The following VAMP4 variants were observed in gnomAD, a reference collection of about 807,000 sequenced individuals.
VAMP4 encodes vesicle-associated membrane protein 4.
A neutral mutation model predicts 23.5 loss-of-function variants in VAMP4; 19 were observed. The observed-to-expected ratio is 0.81, with a 90% confidence interval of 0.56 to 1.19. The LOEUF (loss-of-function observed/expected upper bound fraction) is 1.19. Among genes scored for constraint, VAMP4 ranks in the 50% most tolerant of loss-of-function variants. VAMP4 has a pLI of 0.00. For missense variants in VAMP4, 145 were observed against 168.6 expected (o/e 0.86, Z 0.78); for synonymous variants, 31 against 51.0 (o/e 0.61, Z 1.67).
intron 1 of VAMP4, among the ~76,000 whole-genome samples, chr1:171,740,876 A>G (rs1004865666): frequency 6.6e-5 from 10 of 152,250 alleles, no homozygotes; most frequent in African/African-American, 2.4e-4. Flanking sequence ...ATGTGCAACA[A>G]ATAGCCCATC....
chr1:171,721,105 T>G (rs1312480646), intron 3 of VAMP4, among the ~76,000 whole-genome samples: 1 of 152,148 alleles, frequency 6.6e-6, no homozygotes, highest in Non-Finnish European at 1.5e-5. Flanking sequence ...CAACGTCAGC[T>G]AATGATAAAA....
rs572192671 is a variant in VAMP4 at position 171,726,068 on chromosome 1, G to T, written c.113+2456C>A. ...CAAAAAAAGTCACATTTTTTTTTGGGGGGGGCGAAGTATCACTCTGTTGCC... is the reference window on the plus strand; with the variant it reads ...CAAAAAAAGTCACATTTTTTTTTGGTGGGGGCGAAGTATCACTCTGTTGCC... On this transcript the variant is annotated intron_variant, in intron 3 of 7. Coordinates refer to ENST00000236192, the MANE Select transcript of VAMP4 (RefSeq NM_003762.5). 5.5e-4 allele frequency among the ~76,000 whole-genome samples: 83 copies of T among 151,118 alleles called. 1 individual carries two copies. Among genetic ancestry groups the T allele is most frequent in the African/African-American group, 1.8e-3 (74 of 41,150 alleles).
chr1:171,710,348 TAAA>T (rs2124841086), intron 5 of VAMP4, among the ~76,000 whole-genome samples: 1 of 151,908 alleles, frequency 6.6e-6, no homozygotes, highest in South Asian at 2.1e-4. Flanking sequence ...AGTTACCAAA[TAAA>T]ACATAAAATA....
At chr1:171,707,981 C>T (rs943586996) in intron 6 of VAMP4, among the ~76,000 whole-genome samples, 3 of 151,798 alleles carry the variant, frequency 2.0e-5, no homozygotes, top group African/African-American at 4.8e-5. Context: ...TAAATTAGCC[C>T]ACAGAATAGA....
Position 171,700,556 on chromosome 1 carries a change from C to T in VAMP4, c.*3950G>A, listed in dbSNP as rs941236845. 6.6e-6 allele frequency: 1 copy of T among 152,120 alleles called. No individual in the cohort carries two copies. The highest frequency in any genetic ancestry group is 2.4e-5 in the African/African-American group (1 of 41,388). 9.4% of individuals were successfully genotyped at this position (152,120 alleles called of 1,614,324 possible). ...TAAGACTACTTTAAATGAAAAGAAC[C>T]TAATGGAATACCATAAAGCCAGAGT... On this transcript the variant is annotated 3_prime_UTR_variant, in exon 8 of 8. Coordinates refer to ENST00000236192, the MANE Select transcript of VAMP4 (RefSeq NM_003762.5).
intron 2 of VAMP4, among the ~76,000 whole-genome samples, chr1:171,733,758 A>G (rs1655638800): frequency 6.6e-6 from 1 of 152,204 alleles, no homozygotes; most frequent in African/African-American, 2.4e-5. Flanking sequence ...ACCACTTTGG[A>G]AAACAGCTGG....
intron 4 of VAMP4, among the ~76,000 whole-genome samples, chr1:171,717,580 G>A (rs1655060603): frequency 6.6e-6 from 1 of 151,922 alleles, no homozygotes; most frequent in African/African-American, 2.4e-5. Context: ...CTTTGCAATA[G>A]AGTATCCCAC....
At chr1:171,735,669 G>A (rs753562979) in intron 2 of VAMP4, among the ~76,000 whole-genome samples, 11 of 152,136 alleles carry the variant, frequency 7.2e-5, no homozygotes, top group Non-Finnish European at 1.6e-4. Flanking sequence ...TCTTCTAACC[G>A]ATGATTTAAA....
chr1:171,731,090 T>C (rs988383230), intron 2 of VAMP4, among the ~76,000 whole-genome samples: 1 of 151,936 alleles, frequency 6.6e-6, no homozygotes, highest in Admixed American at 6.6e-5. Context: ...GTATTCAATA[T>C]TCATTTAACA....
At chr1:171,722,233 A>C (rs1012040280) in intron 3 of VAMP4, among the ~76,000 whole-genome samples, 4 of 152,170 alleles carry the variant, frequency 2.6e-5, no homozygotes, top group African/African-American at 4.8e-5. Flanking sequence ...TCCCTTCCTT[A>C]CACCTTATAC....
rs1654579866 is a variant in VAMP4 at position 171,704,387 on chromosome 1, C to G, written c.*119G>C. ...CGTTCCAATTTGAAGTGATACTTGC[C>G]TCTTAGTTTCTTGAAAAAGAAGTTT... On this transcript the variant is annotated 3_prime_UTR_variant, in exon 8 of 8. Coordinates refer to ENST00000236192, the MANE Select transcript of VAMP4 (RefSeq NM_003762.5). 2.9e-6 allele frequency: 2 copies of G among 683,068 alleles called. No homozygotes were observed. The highest frequency in any genetic ancestry group is 8.1e-5 in the Admixed American group (2 of 24,622). The allele number at this position is 683,068 out of a possible 1,614,324, so 42.3% of individuals were successfully genotyped here. A position where few individuals can be genotyped will look rare whatever the true frequency, so the allele number is the denominator to read the frequency against.
intron 3 of VAMP4, among the ~76,000 whole-genome samples, chr1:171,722,247 A>C (rs371083796): frequency 6.6e-5 from 10 of 152,180 alleles, no homozygotes; most frequent in East Asian, 5.8e-4. Flanking sequence ...CTTATACAAA[A>C]ATTAATTCAA....
At position 171,702,627 on chromosome 1, in the gene VAMP4, A is replaced by T. The variant is rs1654484619; in HGVS notation, c.*1879T>A. The T allele has an allele frequency of 6.6e-6, 1 of 151,950 alleles. No individual in the cohort carries two copies. The highest frequency in any genetic ancestry group is 6.6e-5 in the Admixed American group (1 of 15,252). The allele number at this position is 151,950 out of a possible 1,614,324, so 9.4% of individuals were successfully genotyped here. A position where few individuals can be genotyped will look rare whatever the true frequency, so the allele number is the denominator to read the frequency against. On this transcript the variant is annotated 3_prime_UTR_variant, in exon 8 of 8. Coordinates refer to ENST00000236192, the MANE Select transcript of VAMP4 (RefSeq NM_003762.5). ...CAATTCAAATAAAGGACATACATAC[A>T]AATGTTAGGACTGATTCTGTCCATT...
chr1:171,740,325 G>C (rs1246121693), intron 1 of VAMP4, among the ~76,000 whole-genome samples: 1 of 152,184 alleles, frequency 6.6e-6, no homozygotes, highest in Non-Finnish European at 1.5e-5. Context: ...GAAACACTTA[G>C]ACCTTTAAAT....
At chr1:171,721,569 A>C (rs993254449) in intron 3 of VAMP4, among the ~76,000 whole-genome samples, 3 of 152,172 alleles carry the variant, frequency 2.0e-5, no homozygotes, top group Non-Finnish European at 2.9e-5. Context: ...AAATTATGAA[A>C]ATCAATGTGC....
chr1:171,739,549 A>C (rs1331105640), intron 1 of VAMP4, among the ~76,000 whole-genome samples: 1 of 152,256 alleles, frequency 6.6e-6, no homozygotes, highest in Admixed American at 6.5e-5. Context: ...ATAGCCAGTC[A>C]GTTGGAAACA....
intron 3 of VAMP4, among the ~76,000 whole-genome samples, chr1:171,727,731 C>A (rs1051419980): frequency 6.6e-6 from 1 of 152,190 alleles, no homozygotes; most frequent in African/African-American, 2.4e-5. Context: ...AAACGAACTG[C>A]AGCATCATAC....
chr1:171,707,949 G>T (rs1345539076), intron 6 of VAMP4, among the ~76,000 whole-genome samples: 1 of 152,040 alleles, frequency 6.6e-6, no homozygotes, highest in Admixed American at 6.6e-5. Flanking sequence ...GGGGTGAGTG[G>T]CTCATGGACT....
chr1:171,703,733 G>A lies in VAMP4; in HGVS notation c.*773C>T, dbSNP rs566720468. 2 of 151,996 alleles carry A rather than the reference G, an allele frequency of 1.3e-5. No individual in the cohort carries two copies. Among genetic ancestry groups the A allele is most frequent in the East Asian group, 3.9e-4 (2 of 5,152 alleles). 9.4% of individuals were successfully genotyped at this position (151,996 alleles called of 1,614,324 possible). ...TAGGACTGACTGGTCTCTCTTTATT[G>A]GAGTTTAACAGAAAACAGACTGGAC... is the stretch of plus-strand genomic sequence containing the variant. On this transcript the variant is annotated 3_prime_UTR_variant, in exon 8 of 8. Coordinates refer to ENST00000236192, the MANE Select transcript of VAMP4 (RefSeq NM_003762.5).
Sources: gnomAD v4.1 joint callset for allele counts (sites outside exome capture counted in the v4.1 genomes callset) on GRCh38, gnomAD v4.1.1 for gene constraint, MANE v1.5 for transcripts, NCBI Gene and HGNC (gene_info 2026-07-23, HGNC 2026-07-21) for gene names.